Variants in ZFP90 observed in about 807,000 individuals in gnomAD.
The protein encoded by ZFP90 is zinc finger protein 90 homolog.
ZFP90 carries 38 observed loss-of-function variants against 60.8 expected under a neutral mutation model. The ratio of observed to expected loss-of-function variants is 0.62; its 90% CI spans 0.48 to 0.82. ZFP90 has a LOEUF of 0.82. ZFP90 is among the 40% of genes least tolerant of loss of function. The pLI is 0.00. For missense variants in ZFP90, 711 were observed against 759.1 expected (o/e 0.94, Z 0.74); for synonymous variants, 287 against 264.8 (o/e 1.08, Z -0.82).
Position 68,563,991 on chromosome 16 carries a change from G to T in ZFP90, c.1204G>T (p.Ala402Ser). 6.2e-7 allele frequency: 1 copy of T among 1,614,016 alleles called. No homozygotes were observed. Among genetic ancestry groups the T allele is most frequent in the Non-Finnish European group, 8.5e-7 (1 of 1,179,990 alleles). Residue 402 changes from alanine to serine, a missense_variant, in exon 5 of 5, where the codon GCT becomes TCT. Ala to Ser is a moderately conservative substitution (Grantham distance 99). Around this residue, in one of 5 missense-constraint regions of ZFP90, gnomAD observed 146 missense variants for 201.4 expected, o/e 0.73. Transcript: ENST00000563169. ...KPFECSICGRAFGQSPSLYKH... is the reference protein window; with the variant it reads ...KPFECSICGRSFGQSPSLYKH... ...TTTTGAATGTAGCATATGTGGGAGGGCTTTTGGTCAGAGCCCATCCCTTTA... is the reference window on the plus strand; with the variant it reads ...TTTTGAATGTAGCATATGTGGGAGGTCTTTTGGTCAGAGCCCATCCCTTTA...
chr16:68,571,838 G>A (rs889561), downstream of ZFP90, among the ~76,000 whole-genome samples: 122,471 of 152,078 alleles, frequency 0.81, 49,488 homozygotes, highest in African/African-American at 0.87. Context: ...GAATCAGGCA[G>A]AGCGTTGCCA....
At chr16:68,571,924 G>A (rs1039661523), downstream of ZFP90, among the ~76,000 whole-genome samples, 1 of 152,202 alleles carries the variant, frequency 6.6e-6, no homozygotes, top group Non-Finnish European at 1.5e-5. Context: ...CAGATGAGGA[G>A]CATGAGTGAC....
intron 2 of ZFP90, among the ~76,000 whole-genome samples, chr16:68,541,804 ACT>A (rs2091055111): frequency 6.6e-6 from 1 of 152,006 alleles, no homozygotes; most frequent in Non-Finnish European, 1.5e-5. Flanking sequence ...CTCATCAGGG[ACT>A]CTGGTCTTTT....
At chr16:68,558,674 T>G in intron 4 of ZFP90, 106 bp downstream of exon 4, 1 of 985,256 alleles carries the variant, frequency 1.0e-6, no homozygotes, top group South Asian at 1.4e-5. Context: ...TAGATCTGCA[T>G]AGGAGGCTGA....
At position 68,565,082 on chromosome 16, in the gene ZFP90, C is replaced by T. The variant is rs2091504490; in HGVS notation, c.*384C>T. 1 of 995,994 alleles carries T rather than the reference C, an allele frequency of 1.0e-6. No individual in the cohort carries two copies. Among genetic ancestry groups the T allele is most frequent in the Non-Finnish European group, 1.2e-6 (1 of 836,972 alleles). 61.7% of individuals were successfully genotyped at this position (995,994 alleles called of 1,614,324 possible). A position where few individuals can be genotyped will look rare whatever the true frequency, so the allele number is the denominator to read the frequency against. The stretch of plus-strand genomic sequence containing the variant: ...AAAACCCATTTTAAAAATTGCTTGA[C>T]AACTGCACTCAACTGCAGCTCTTAC... On this transcript the variant is annotated 3_prime_UTR_variant, in exon 5 of 5. Transcript: ENST00000563169.
chr16:68,565,622 T>C lies in ZFP90; in HGVS notation c.*924T>C. ...ACTATTAAGTCCCCTTATTGTACTTTTTATGGCATGCCCATGAAAAAGCAC... is the reference window on the plus strand; with the variant it reads ...ACTATTAAGTCCCCTTATTGTACTTCTTATGGCATGCCCATGAAAAAGCAC... On this transcript the variant is annotated 3_prime_UTR_variant, in exon 5 of 5. Transcript: ENST00000563169. 2.0e-6 allele frequency: 2 copies of C among 985,590 alleles called. No homozygotes were observed. The highest frequency in any genetic ancestry group is 2.4e-6 in the Non-Finnish European group (2 of 829,928). 61.1% of individuals were successfully genotyped at this position (985,590 alleles called of 1,614,324 possible). A position where few individuals can be genotyped will look rare whatever the true frequency, so the allele number is the denominator to read the frequency against.
upstream of ZFP90, among the ~76,000 whole-genome samples, chr16:68,538,154 C>T (rs1465435115): frequency 2.6e-5 from 4 of 151,752 alleles, no homozygotes; most frequent in Admixed American, 2.0e-4. Context: ...TCAGGTGATC[C>T]GCCAGCCTCA....
In ZFP90 at chr16:68,567,046, T is replaced by TA; in HGVS notation, c.*2349dup. ...TCCCAACAGCCATGAACCATGCACTTATGGATACCCAGCCTTTTAGGGCTA... is the reference window on the plus strand; with the variant it reads ...TCCCAACAGCCATGAACCATGCACTTAATGGATACCCAGCCTTTTAGGGCTA... On this transcript the variant is annotated 3_prime_UTR_variant, in exon 5 of 5. Transcript: ENST00000563169. The TA allele has an allele frequency of 1.0e-6, 1 of 985,584 alleles. No individual in the cohort carries two copies. The highest frequency in any genetic ancestry group is 1.2e-6 in the Non-Finnish European group (1 of 829,934). 61.1% of individuals were successfully genotyped at this position (985,584 alleles called of 1,614,324 possible).
chr16:68,572,466 C>T (rs950529839), intron 2 of ZFP90, among the ~76,000 whole-genome samples: 1 of 152,160 alleles, frequency 6.6e-6, no homozygotes, highest in Admixed American at 6.5e-5. Flanking sequence ...ATGTCACATT[C>T]CTCTGCTTTC....
In ZFP90 at chr16:68,574,490, GA is replaced by G. The variant is rs3833989; in HGVS notation, c.224-1289del. ...CAGAAAATAAGCTGGCAAACATGTT[GA>G]AAAAAAAAAAATTATTCCCAAAAGC... On this transcript the variant is annotated intron_variant, in intron 2 of 2. Transcript: ENST00000573113. Among the ~76,000 whole-genome samples, 12 of 148,264 alleles carry G rather than the reference GA, an allele frequency of 8.1e-5. No homozygotes were observed. The South Asian group carries it at 1.3e-3, about 16-fold the overall frequency.
In ZFP90 at chr16:68,564,840, G is replaced by GATT. The variant is rs2091500255; in HGVS notation, c.*143_*145dup. On this transcript the variant is annotated 3_prime_UTR_variant, in exon 5 of 5. Coordinates refer to ENST00000563169, the MANE Select transcript of ZFP90 (RefSeq NM_001305203.2). ...GTGTGGAGAAAACTGCCAGTAGACA[G>GATT]ATTTTTTTTTTTTAACATAAAGACA... 1 of 814,040 alleles carries GATT rather than the reference G, an allele frequency of 1.2e-6. No homozygotes were observed. The highest frequency in any genetic ancestry group is 1.6e-6 in the Non-Finnish European group (1 of 616,716). 50.4% of individuals were successfully genotyped at this position (814,040 alleles called of 1,614,324 possible). A position where few individuals can be genotyped will look rare whatever the true frequency, so the allele number is the denominator to read the frequency against.
chr16:68,562,860 A>G (rs1360220686), intron 4 of ZFP90, 184 bp from the exon 5 acceptor site: 1 of 1,362,144 alleles, frequency 7.3e-7, no homozygotes, highest in Non-Finnish European at 1.0e-6. Context: ...CATACTCTGA[A>G]TCTGCAGTCT....
At chr16:68,569,881 A>AC (rs2091558537), downstream of ZFP90, among the ~76,000 whole-genome samples, 1 of 152,084 alleles carries the variant, frequency 6.6e-6, no homozygotes, top group Non-Finnish European at 1.5e-5. Context: ...TTGTTCTCTT[A>AC]CCTAAGATCA....
At chr16:68,572,120 C>G (rs1031261257), downstream of ZFP90, among the ~76,000 whole-genome samples, 1 of 151,612 alleles carries the variant, frequency 6.6e-6, no homozygotes, top group Non-Finnish European at 1.5e-5. Flanking sequence ...ATCCTCTGTC[C>G]TTAGTCGCCC....
chr16:68,572,793 A>C (rs549801961), intron 2 of ZFP90, among the ~76,000 whole-genome samples: 1 of 152,344 alleles, frequency 6.6e-6, no homozygotes, highest in South Asian at 2.1e-4. Context: ...TTGTTCCTTA[A>C]AATGTGTTCC....
chr16:68,547,434 T>G (rs2091170539), intron 2 of ZFP90, among the ~76,000 whole-genome samples: 1 of 152,180 alleles, frequency 6.6e-6, no homozygotes, highest in African/African-American at 2.4e-5. Context: ...GAATTGTTTT[T>G]TGTTGGATTT....
At position 68,565,094 on chromosome 16, in the gene ZFP90, ACTG is replaced by A; in HGVS notation, c.*398_*400del. On this transcript the variant is annotated 3_prime_UTR_variant, in exon 5 of 5. Transcript: ENST00000563169. Reference sequence around the variant, plus strand: ...AAAAATTGCTTGACAACTGCACTCAACTGCAGCTCTTACATTAACTTCACCATG... The same window carrying A: ...AAAAATTGCTTGACAACTGCACTCAACAGCTCTTACATTAACTTCACCATG... 1 of 995,528 alleles carries A rather than the reference ACTG, an allele frequency of 1.0e-6. No homozygotes were observed. Among genetic ancestry groups the A allele is most frequent in the Non-Finnish European group, 1.2e-6 (1 of 836,576 alleles). 61.7% of individuals were successfully genotyped at this position (995,528 alleles called of 1,614,324 possible).
chr16:68,568,272 T>A (rs150858689), downstream of ZFP90, among the ~76,000 whole-genome samples: 1 of 152,200 alleles, frequency 6.6e-6, no homozygotes, highest in Non-Finnish European at 1.5e-5. Context: ...AGTGAGCAAT[T>A]GAGTGGAGAT....
At chr16:68,555,261 AT>A (rs1280648309) in intron 2 of ZFP90, 1 of 152,208 alleles carries the variant, frequency 6.6e-6, no homozygotes, top group African/African-American at 2.4e-5. Context: ...TTTCTTTTGC[AT>A]TTTTAGTCTG....
Sources: allele counts gnomAD v4.1 joint callset (sites outside exome capture counted in the v4.1 genomes callset), GRCh38; gene constraint gnomAD v4.1.1; regional missense constraint gnomAD v4.1.1; transcripts MANE v1.5; gene names NCBI Gene and HGNC (gene_info 2026-07-23, HGNC 2026-07-21).